Variants in KIZ observed in about 807,000 individuals in gnomAD.
KIZ encodes kizuna centrosomal protein.
A neutral mutation model predicts 79.6 loss-of-function variants in KIZ; 68 were observed. That is an observed-to-expected ratio of 0.85 (90% CI 0.70 to 1.05). KIZ has a LOEUF of 1.05. KIZ is among the 50% of genes least tolerant of loss of function. KIZ has a pLI of 0.00. For synonymous variants in KIZ, 280 were observed against 281.8 expected (o/e 0.99, Z 0.06); for missense variants, 797 against 800.4 (o/e 1.00, Z 0.05).
At position 21,161,853 on chromosome 20, in the gene KIZ, T is replaced by A. The variant is rs144256761; in HGVS notation, c.406-18T>A. On this transcript the variant is annotated intron_variant, in intron 4 of 12. Transcript: ENST00000619189. Reference sequence around the variant, plus strand: ...TTATACACAGTATGTTTAACTCACATCTCTTTTGGTGTTGCAGGTTGCAGT... The same window carrying A: ...TTATACACAGTATGTTTAACTCACAACTCTTTTGGTGTTGCAGGTTGCAGT... 69 of 1,581,428 alleles carry A rather than the reference T, an allele frequency of 4.4e-5. No individual in the cohort carries two copies. The highest frequency in any genetic ancestry group is 6.0e-5 in the Non-Finnish European group (69 of 1,157,600).
intron 6 of KIZ, among the ~76,000 whole-genome samples, chr20:21,202,534 C>T (rs1383668761): frequency 6.6e-6 from 1 of 152,200 alleles, no homozygotes; most frequent in African/African-American, 2.4e-5. Context: ...AATGACTCAT[C>T]TCACTTTATT....
chr20:21,215,559 T>C (rs1186437992), intron 8 of KIZ, 24 bp from the exon 9 acceptor site: 1 of 1,463,386 alleles, frequency 6.8e-7, no homozygotes, highest in Admixed American at 1.8e-5. Context: ...AATACTTTTT[T>C]TTTATTATGC....
chr20:21,244,449 G>A lies in KIZ; in HGVS notation c.1924+161G>A, dbSNP rs565770109. 72 of 628,834 alleles carry A rather than the reference G, an allele frequency of 1.1e-4. 1 individual carries two copies. The South Asian group carries it at 1.3e-3, about 12-fold the overall frequency. The allele number at this position is 628,834 out of a possible 1,614,324, so 39.0% of individuals were successfully genotyped here. ...CTGGGGTGGAACCTGAGGGCTTCTG[G>A]AGGCTCAGTTCTTCACAGACAGGAC... On this transcript the variant is annotated intron_variant, in intron 12 of 12. Coordinates refer to ENST00000619189, the MANE Select transcript of KIZ (RefSeq NM_018474.6).
intron 4 of KIZ, among the ~76,000 whole-genome samples, chr20:21,160,201 G>A (rs909165060): frequency 3.3e-5 from 5 of 152,102 alleles, no homozygotes; most frequent in Non-Finnish European, 7.4e-5. Flanking sequence ...CTGCTCTCTG[G>A]TGACCACTTC....
intron 2 of KIZ, among the ~76,000 whole-genome samples, chr20:21,135,740 G>T (rs2032150171): frequency 6.6e-6 from 1 of 151,786 alleles, no homozygotes; most frequent in Non-Finnish European, 1.5e-5. Flanking sequence ...TATCCAGTAT[G>T]TTTTTTTATG....
chr20:21,246,449 G>A, intron 12 of KIZ, 30 bp from the exon 13 acceptor site: 1 of 1,401,800 alleles, frequency 7.1e-7, no homozygotes, highest in Non-Finnish European at 1.0e-6. Context: ...ATGCAAAAAT[G>A]TTAAATAACT....
Position 21,162,884 on chromosome 20 carries a change from G to C in KIZ, c.1077G>C (p.Lys359Asn). ...CTCACAGGGAACCAAAGTCACAAAA[G>C]CCCTTCAGAAAAATGCAGGAAGAGG... ...HLAHREPKSQ[K>N]PFRKMQEEEE... is the part of the protein sequence containing the mutation. The change falls in exon 6 of 13, where the codon AAG (lysine) becomes AAC (asparagine). Residue 359 changes from lysine (K) to asparagine (N), a missense_variant. By Grantham distance (94) the Lys-to-Asn change is moderately conservative. Coordinates refer to ENST00000619189, the MANE Select transcript of KIZ (RefSeq NM_018474.6). 6.2e-7 allele frequency: 1 copy of C among 1,613,452 alleles called. No homozygotes were observed. The highest frequency in any genetic ancestry group is 8.5e-7 in the Non-Finnish European group (1 of 1,179,692).
At chr20:21,154,506 A>G (rs1238235203) in intron 4 of KIZ, among the ~76,000 whole-genome samples, 2 of 152,222 alleles carry the variant, frequency 1.3e-5, no homozygotes, top group Non-Finnish European at 2.9e-5. Flanking sequence ...AAGACTGCAG[A>G]TGAATAACTG....
chr20:21,214,558 C>T lies in KIZ; in HGVS notation c.1470C>T (p.Ala490=), dbSNP rs1470727804. The T allele has an allele frequency of 6.2e-7, 1 of 1,613,188 alleles. No homozygotes were observed. Among genetic ancestry groups the T allele is most frequent in the African/African-American group, 1.3e-5 (1 of 74,868 alleles). The change falls in exon 8 of 13, where the codon GCC becomes GCT. Residue 490 remains alanine, a synonymous_variant. Transcript: ENST00000619189. The part of the protein sequence containing the change: ...KEEATALLRK[A]LTEECGRRSA... ...AGGCAACAGCATTATTGAGAAAAGCCCTTACAGAAGAGTGTGGCCGTAGGT... is the reference window on the plus strand; with the variant it reads ...AGGCAACAGCATTATTGAGAAAAGCTCTTACAGAAGAGTGTGGCCGTAGGT...
chr20:21,236,782 G>A (rs1181948485), intron 11 of KIZ, among the ~76,000 whole-genome samples: 1 of 152,030 alleles, frequency 6.6e-6, no homozygotes, highest in Non-Finnish European at 1.5e-5. Context: ...ATCACTTGAG[G>A]TCAGGAGTTC....
chr20:21,130,410 A>G lies in KIZ; in HGVS notation c.90-1687A>G, dbSNP rs74733090. ...TTCCTTTCTTTGTAATTTAATGACA[A>G]GTTGCTCACACTATCCAGTCATTCA... is the stretch of plus-strand genomic sequence containing the variant. On this transcript the variant is annotated intron_variant, in intron 1 of 12. Transcript: ENST00000619189. Among the ~76,000 whole-genome samples, 751 of 152,282 alleles carry G rather than the reference A, an allele frequency of 4.9e-3. 4 individuals are homozygous for G. Among genetic ancestry groups the G allele is most frequent in the African/African-American group, 0.018 (731 of 41,540 alleles).
intron 9 of KIZ, among the ~76,000 whole-genome samples, chr20:21,226,760 A>C (rs1568995045): frequency 6.6e-6 from 1 of 152,212 alleles, no homozygotes; most frequent in Non-Finnish European, 1.5e-5. Flanking sequence ...TGTGCCCAGC[A>C]GTCCTCAGCC....
At chr20:21,225,770 T>G (rs2036635311) in intron 9 of KIZ, among the ~76,000 whole-genome samples, 1 of 152,194 alleles carries the variant, frequency 6.6e-6, no homozygotes, top group Non-Finnish European at 1.5e-5. Context: ...CACTCTTGCT[T>G]CATGAAACTA....
At chr20:21,181,821 A>T (rs2034667428) in intron 6 of KIZ, among the ~76,000 whole-genome samples, 1 of 152,200 alleles carries the variant, frequency 6.6e-6, no homozygotes, top group Non-Finnish European at 1.5e-5. Flanking sequence ...TTATCTTGAT[A>T]TATCAGGATG....
Position 21,136,429 on chromosome 20 carries a change from G to A in KIZ, c.192G>A (p.Lys64=). The change falls in exon 3 of 13, where the codon AAG becomes AAA. Residue 64 remains lysine, a synonymous_variant. Coordinates refer to ENST00000619189, the MANE Select transcript of KIZ (RefSeq NM_018474.6). ...ATGTAAAACTAAAGAATTATCTGAA[G>A]GAAATATGTGAATCTGAAAAGAAGG... ...LKYVKLKNYL[K]EICESEKKAH... is the part of the protein sequence containing the mutation. 10 of 1,561,380 alleles carry A rather than the reference G, an allele frequency of 6.4e-6. No individual in the cohort carries two copies. In the South Asian group the frequency reaches 9.4e-5, roughly 15 times the overall value.
intron 8 of KIZ, 86 bp from the exon 9 acceptor site, chr20:21,215,496 AG>A: frequency 1.5e-6 from 1 of 658,674 alleles, no homozygotes; most frequent in Non-Finnish European, 2.5e-6. Context: ...AAAAAAAAAA[AG>A]TGAACATAAA....
intron 11 of KIZ, among the ~76,000 whole-genome samples, chr20:21,235,693 G>C (rs1012624823): frequency 1.3e-5 from 2 of 152,220 alleles, no homozygotes; most frequent in Non-Finnish European, 2.9e-5. Context: ...GGTTGGACCA[G>C]ATAATGTTTT....
At chr20:21,178,222 T>C (rs1355700202) in intron 6 of KIZ, among the ~76,000 whole-genome samples, 2 of 152,142 alleles carry the variant, frequency 1.3e-5, no homozygotes, top group Non-Finnish European at 2.9e-5. Flanking sequence ...TGGAATTCTT[T>C]CCATTTGCTT....
At chr20:21,142,802 T>TAAA (rs1161638240) in intron 3 of KIZ, among the ~76,000 whole-genome samples, 2 of 151,514 alleles carry the variant, frequency 1.3e-5, no homozygotes, top group Admixed American at 6.6e-5. Context: ...AATAAATAAA[T>TAAA]AAATAAATAA....
Sources: gnomAD v4.1 joint callset for allele counts (sites outside exome capture counted in the v4.1 genomes callset) on GRCh38, gnomAD v4.1.1 for gene constraint, MANE v1.5 for transcripts, NCBI Gene and HGNC (gene_info 2026-07-23, HGNC 2026-07-21) for gene names.